Variants in GEN1 observed in about 807,000 individuals in gnomAD.
GEN1 encodes GEN1 structure-specific endonuclease.
In GEN1, 64 loss-of-function variants were observed where a neutral mutation model predicts 67.6. The ratio of observed to expected loss-of-function variants is 0.95; its 90% CI spans 0.77 to 1.17. The LOEUF (loss-of-function observed/expected upper bound fraction) is 1.17. GEN1 is among the 50% of genes most tolerant of loss of function. The pLI is 0.00. For missense variants in GEN1, 1,058 were observed against 1,048.3 expected (o/e 1.01, Z -0.13); for synonymous variants, 371 against 359.4 (o/e 1.03, Z -0.37).
chr2:17,766,755 A>C, intron 5 of GEN1, 66 bp downstream of exon 5: 3 of 814,488 alleles, frequency 3.7e-6, no homozygotes, highest in South Asian at 1.6e-5. Context: ...TGTGCTGTAT[A>C]AATATGAATA....
intron 2 of GEN1, 45 bp from the exon 3 acceptor site, chr2:17,761,351 T>C: frequency 9.5e-7 from 1 of 1,052,060 alleles, no homozygotes; most frequent in Non-Finnish European, 1.4e-6. Context: ...TGACTTTTAC[T>C]ATCAGTGTTT....
At chr2:17,762,304 C>T (rs368598386) in intron 3 of GEN1, among the ~76,000 whole-genome samples, 1 of 150,452 alleles carries the variant, frequency 6.6e-6, no homozygotes, top group African/African-American at 2.4e-5. Context: ...TGGGTTCTCA[C>T]CATTTTCCTG....
At chr2:17,761,357 T>C (rs754361663) in intron 2 of GEN1, 39 bp from the exon 3 acceptor site, 1 of 1,113,928 alleles carries the variant, frequency 9.0e-7, no homozygotes, top group East Asian at 2.5e-5. Context: ...TTACTATCAG[T>C]GTTTGATGAT....
chr2:17,780,226 A>C, intron 13 of GEN1, 105 bp downstream of exon 13: 1 of 893,040 alleles, frequency 1.1e-6, no homozygotes, highest in South Asian at 1.6e-5. Context: ...AAAAATCTAT[A>C]AACTCAAAAG....
At chr2:17,760,173 A>C in intron 2 of GEN1, 69 bp downstream of exon 2, 1 of 1,411,436 alleles carries the variant, frequency 7.1e-7, no homozygotes, top group East Asian at 2.4e-5. Context: ...ATTTTGTTTC[A>C]CCTTTTTTTT....
rs139149998 is a variant in GEN1, at chr2:17,772,978, CTGTT to C, written c.954-115_954-112del. On this transcript the variant is annotated intron_variant, in intron 8 of 13. Coordinates refer to ENST00000381254, the MANE Select transcript of GEN1 (RefSeq NM_001130009.3). ...AATAGTTATTCAAAGGGAAGCTTGA[CTGTT>C]TGGGATACTGTAAATTCACATTTCT... The C allele has an allele frequency of 3.4e-3, 2,780 of 808,474 alleles. 34 individuals are homozygous for C. The African/African-American group carries it at 0.039, about 11-fold the overall frequency. 50.1% of individuals were successfully genotyped at this position (808,474 alleles called of 1,614,324 possible). A position where few individuals can be genotyped will look rare whatever the true frequency, so the allele number is the denominator to read the frequency against.
At chr2:17,777,203 T>C (rs1672472514) in intron 11 of GEN1, among the ~76,000 whole-genome samples, 1 of 152,094 alleles carries the variant, frequency 6.6e-6, no homozygotes, top group Non-Finnish European at 1.5e-5. Context: ...AGAGGGAAGA[T>C]GTGAATTACA....
chr2:17,767,911 A>G (rs1310577500), intron 5 of GEN1, among the ~76,000 whole-genome samples: 1 of 152,230 alleles, frequency 6.6e-6, no homozygotes, highest in Non-Finnish European at 1.5e-5. Context: ...GTGTATGCCA[A>G]AGACATAGGC....
In GEN1 at chr2:17,783,020, A is replaced by C. The variant is rs952901577; in HGVS notation, c.*1081A>C. On this transcript the variant is annotated 3_prime_UTR_variant, in exon 14 of 14. Transcript: ENST00000381254. The stretch of plus-strand genomic sequence containing the variant: ...AAAGCGAGTTCATCCAGGTCGTAGA[A>C]TACAAGACCAATGTGCAATGATCAT... The C allele has an allele frequency of 6.6e-6, 1 of 152,198 alleles. No homozygotes were observed. The highest frequency in any genetic ancestry group is 2.4e-5 in the African/African-American group (1 of 41,446). The allele number at this position is 152,198 out of a possible 1,614,324, so 9.4% of individuals were successfully genotyped here.
At position 17,783,580 on chromosome 2, in the gene GEN1, T is replaced by C. The variant is rs1230782139; in HGVS notation, c.*1641T>C. 6.6e-6 allele frequency: 1 copy of C among 152,224 alleles called. No homozygotes were observed. Among genetic ancestry groups the C allele is most frequent in the Non-Finnish European group, 1.5e-5 (1 of 68,048 alleles). 9.4% of individuals were successfully genotyped at this position (152,224 alleles called of 1,614,324 possible). A position where few individuals can be genotyped will look rare whatever the true frequency, so the allele number is the denominator to read the frequency against. ...AAGAGTTTGAATGACCCACCCTTCCTGATTTTAAGTATACAGAACTACAGT... is the reference window on the plus strand; with the variant it reads ...AAGAGTTTGAATGACCCACCCTTCCCGATTTTAAGTATACAGAACTACAGT... On this transcript the variant is annotated 3_prime_UTR_variant, in exon 14 of 14. Transcript: ENST00000381254.
At chr2:17,763,265 G>A (rs907890794) in intron 3 of GEN1, among the ~76,000 whole-genome samples, 1 of 152,064 alleles carries the variant, frequency 6.6e-6, no homozygotes, top group Non-Finnish European at 1.5e-5. Context: ...ACTATCAGCA[G>A]TTGAAGAAAA....
intron 3 of GEN1, among the ~76,000 whole-genome samples, chr2:17,763,294 ATTAC>A (rs1671768649): frequency 2.0e-5 from 3 of 152,276 alleles, no homozygotes; most frequent in Non-Finnish European, 4.4e-5. Flanking sequence ...CTAAGTTCTA[ATTAC>A]TTCTTGTATA....
In GEN1 at chr2:17,782,860, TC is replaced by T. The variant is rs1347553388; in HGVS notation, c.*922del. The T allele has an allele frequency of 1.3e-5, 2 of 152,166 alleles. No individual in the cohort carries two copies. The highest frequency in any genetic ancestry group is 4.8e-5 in the African/African-American group (2 of 41,444). 9.4% of individuals were successfully genotyped at this position (152,166 alleles called of 1,614,324 possible). ...GACTTTAATACCACCAAATATTAAG[TC>T]ATGCATTAATTTAGGTCGCACTCAA... On this transcript the variant is annotated 3_prime_UTR_variant, in exon 14 of 14. Transcript: ENST00000381254.
chr2:17,756,458 A>T (rs969774075), intron 1 of GEN1, among the ~76,000 whole-genome samples: 15 of 152,224 alleles, frequency 9.9e-5, no homozygotes, highest in Admixed American at 5.2e-4. Flanking sequence ...ACATCAATAT[A>T]CTTATTCATT....
In GEN1 at chr2:17,778,202, A is replaced by ATATATATGTATACACACACGTGTG. The variant is rs1553331064; in HGVS notation, c.1264+140_1264+141insATATATGTATACACACACGTGTGT. 41 of 224,532 alleles carry ATATATATGTATACACACACGTGTG rather than the reference A, an allele frequency of 1.8e-4. No individual in the cohort carries two copies. The East Asian group carries it at 2.5e-3, about 14-fold the overall frequency. 13.9% of individuals were successfully genotyped at this position (224,532 alleles called of 1,614,324 possible). A position where few individuals can be genotyped will look rare whatever the true frequency, so the allele number is the denominator to read the frequency against. Reference sequence around the variant, plus strand: ...TATATATATATACACACACACATATATGTGTATATATATGTATACACACAC... The same window carrying ATATATATGTATACACACACGTGTG: ...TATATATATATACACACACACATATATATATATGTATACACACACGTGTGTGTGTATATATATGTATACACACAC... On this transcript the variant is annotated intron_variant, in intron 12 of 13. Coordinates refer to ENST00000381254, the MANE Select transcript of GEN1 (RefSeq NM_001130009.3).
At chr2:17,772,859 T>C (rs1672258624) in intron 8 of GEN1, 75 bp downstream of exon 8, 1 of 1,337,190 alleles carries the variant, frequency 7.5e-7, no homozygotes, top group Non-Finnish European at 1.0e-6. Flanking sequence ...TATTTCCATA[T>C]AATCTTTCCC....
chr2:17,759,776 G>A, intron 1 of GEN1, 153 bp from the exon 2 acceptor site: 2 of 568,204 alleles, frequency 3.5e-6, no homozygotes, highest in Non-Finnish European at 5.8e-6. Context: ...CGTTTCAGGT[G>A]TTCTTAATTC....
chr2:17,756,760 C>G (rs1671450849), intron 1 of GEN1, among the ~76,000 whole-genome samples: 1 of 152,044 alleles, frequency 6.6e-6, no homozygotes. Flanking sequence ...TAATGCTGAG[C>G]CATTTTCAAA....
Position 17,761,419 on chromosome 2 carries a change from A to AT in GEN1, c.188dup (p.Leu63PhefsTer22), listed in dbSNP as rs1671670047. 1 of 1,599,316 alleles carries AT rather than the reference A, an allele frequency of 6.3e-7. No individual in the cohort carries two copies. The highest frequency in any genetic ancestry group is 1.3e-5 in the African/African-American group (1 of 74,300). Reference sequence around the variant, plus strand: ...AGGAACTTATTTTTTCGTATCTCATATTTAACACAAATGGATGTAAAACTG... The same window carrying AT: ...AGGAACTTATTTTTTCGTATCTCATATTTTAACACAAATGGATGTAAAACTG... On this transcript the variant is annotated frameshift_variant, in exon 3 of 14. Coordinates refer to ENST00000381254, the MANE Select transcript of GEN1 (RefSeq NM_001130009.3). LOFTEE classifies it high-confidence loss of function.
Sources: gnomAD v4.1 joint callset for allele counts (sites outside exome capture counted in the v4.1 genomes callset) on GRCh38, gnomAD v4.1.1 for gene constraint, MANE v1.5 for transcripts, NCBI Gene and HGNC (gene_info 2026-07-23, HGNC 2026-07-21) for gene names.